GALNTL6: variants seen among roughly 807,000 people sequenced by gnomAD.
The protein encoded by GALNTL6 is polypeptide N-acetylgalactosaminyltransferase-like 6.
In GALNTL6, 46 loss-of-function variants were observed where a neutral mutation model predicts 73.7. The ratio of observed to expected loss-of-function variants is 0.62; its 90% CI spans 0.49 to 0.80. The LOEUF (loss-of-function observed/expected upper bound fraction) is 0.80, where lower values mean the gene tolerates loss of function less well. Among genes scored for constraint, GALNTL6 ranks in the 30% least tolerant of loss-of-function variants. The pLI is 0.00. For missense variants in GALNTL6, 604 were observed against 755.0 expected (o/e 0.80, Z 2.34); for synonymous variants, 259 against 263.7 (o/e 0.98, Z 0.17).
intron 7 of GALNTL6, among the ~76,000 whole-genome samples, chr4:172,853,513 A>G (rs1291858656): frequency 1.3e-5 from 2 of 152,168 alleles, no homozygotes; most frequent in African/African-American, 4.8e-5. Flanking sequence ...TCACCTCTGC[A>G]TTTGGGTGTC....
rs535758715 is a variant in GALNTL6, at chr4:171,845,896, T to A, written c.138+31178T>A. 5.9e-5 allele frequency among the ~76,000 whole-genome samples: 9 copies of A among 152,324 alleles called. No homozygotes were observed. The South Asian group carries it at 1.0e-3, about 18-fold the overall frequency. ...TATGTAATTCATGTCCAATAAATTGTGAACATACTCATCATCACAGCTACT... is the reference window on the plus strand; with the variant it reads ...TATGTAATTCATGTCCAATAAATTGAGAACATACTCATCATCACAGCTACT... On this transcript the variant is annotated intron_variant, in intron 2 of 12. Coordinates refer to ENST00000506823, the MANE Select transcript of GALNTL6 (RefSeq NM_001034845.3).
At chr4:172,618,249 G>T (rs1351942287) in intron 5 of GALNTL6, among the ~76,000 whole-genome samples, 2 of 152,090 alleles carry the variant, frequency 1.3e-5, no homozygotes, top group African/African-American at 4.8e-5. Flanking sequence ...ATATGGAGCT[G>T]AAAGCAATCT....
At chr4:172,230,474 C>G (rs1218312423) in intron 3 of GALNTL6, among the ~76,000 whole-genome samples, 1 of 148,096 alleles carries the variant, frequency 6.8e-6, no homozygotes, top group Non-Finnish European at 1.5e-5. Flanking sequence ...GTAGTCCCAG[C>G]TACTCAGGAG....
chr4:172,533,254 C>T (rs1735228895), intron 5 of GALNTL6, among the ~76,000 whole-genome samples: 1 of 150,812 alleles, frequency 6.6e-6, no homozygotes, highest in Non-Finnish European at 1.5e-5. Flanking sequence ...CTCAGGTGAT[C>T]CACCCACGTC....
intron 2 of GALNTL6, among the ~76,000 whole-genome samples, chr4:171,942,074 C>T (rs1232072225): frequency 6.6e-6 from 1 of 151,850 alleles, no homozygotes; most frequent in Admixed American, 6.6e-5. Flanking sequence ...GCGATTTTAA[C>T]ACATATAAAA....
chr4:172,763,529 AACAG>A (rs1738235381), intron 5 of GALNTL6, among the ~76,000 whole-genome samples: 1 of 152,226 alleles, frequency 6.6e-6, no homozygotes. Flanking sequence ...GCGTTCTTAA[AACAG>A]ACAATTACAA....
At chr4:172,718,918 G>T (rs898777364) in intron 5 of GALNTL6, among the ~76,000 whole-genome samples, 1 of 151,522 alleles carries the variant, frequency 6.6e-6, no homozygotes, top group Non-Finnish European at 1.5e-5. Flanking sequence ...CACAATTAAG[G>T]CAATCACATA....
At chr4:171,928,846 C>A (rs1578980841) in intron 2 of GALNTL6, among the ~76,000 whole-genome samples, 1 of 152,192 alleles carries the variant, frequency 6.6e-6, no homozygotes, top group East Asian at 1.9e-4. Flanking sequence ...CACATCTATA[C>A]CATCTGGGTT....
At chr4:172,993,786 G>T (rs1259056221) in intron 10 of GALNTL6, among the ~76,000 whole-genome samples, 1 of 152,146 alleles carries the variant, frequency 6.6e-6, no homozygotes, top group African/African-American at 2.4e-5. Flanking sequence ...TCCGGGCATG[G>T]TGGCACATGC....
intron 8 of GALNTL6, among the ~76,000 whole-genome samples, chr4:172,898,126 T>A (rs934078440): frequency 6.6e-6 from 1 of 152,142 alleles, no homozygotes; most frequent in Non-Finnish European, 1.5e-5. Context: ...ATTTTGATCT[T>A]AAGCAATTAT....
At chr4:172,706,560 A>G (rs1300985579) in intron 5 of GALNTL6, among the ~76,000 whole-genome samples, 1 of 152,072 alleles carries the variant, frequency 6.6e-6, no homozygotes, top group Non-Finnish European at 1.5e-5. Flanking sequence ...TATTTATTCT[A>G]GTCTTTGCTT....
At chr4:172,513,908 G>T (rs1453266211) in intron 5 of GALNTL6, among the ~76,000 whole-genome samples, 1 of 152,160 alleles carries the variant, frequency 6.6e-6, no homozygotes, top group Non-Finnish European at 1.5e-5. Context: ...CAGTAAAGTT[G>T]TCATGTAGAC....
At chr4:172,739,353 G>A (rs1217029945) in intron 5 of GALNTL6, among the ~76,000 whole-genome samples, 1 of 152,102 alleles carries the variant, frequency 6.6e-6, no homozygotes, top group African/African-American at 2.4e-5. Flanking sequence ...CCTACTTCTT[G>A]TCATAAGGAC....
intron 7 of GALNTL6, among the ~76,000 whole-genome samples, chr4:172,872,045 G>A (rs369845699): frequency 3.3e-5 from 5 of 152,194 alleles, no homozygotes; most frequent in South Asian, 4.2e-4. Flanking sequence ...CACCCTCCTC[G>A]GCCTCTCAAA....
chr4:173,032,775 T>G (rs1162782251), intron 12 of GALNTL6, among the ~76,000 whole-genome samples: 1 of 151,908 alleles, frequency 6.6e-6, no homozygotes, highest in Non-Finnish European at 1.5e-5. Flanking sequence ...GAGTGTGAAG[T>G]GTTTGAATGG....
At chr4:172,184,353 A>G (rs1303568474) in intron 2 of GALNTL6, among the ~76,000 whole-genome samples, 1 of 152,156 alleles carries the variant, frequency 6.6e-6, no homozygotes, top group Non-Finnish European at 1.5e-5. Flanking sequence ...GATAGGGGGA[A>G]ACTGGTGTGA....
intron 7 of GALNTL6, among the ~76,000 whole-genome samples, chr4:172,857,027 T>C (rs1744156175): frequency 6.6e-6 from 1 of 152,202 alleles, no homozygotes; most frequent in African/African-American, 2.4e-5. Context: ...TTGCCACTGT[T>C]TCACAACCTA....
At chr4:172,254,923 T>C (rs576415799) in intron 3 of GALNTL6, among the ~76,000 whole-genome samples, 3 of 151,794 alleles carry the variant, frequency 2.0e-5, no homozygotes, top group African/African-American at 7.2e-5. Context: ...CTTGATCAGC[T>C]TTGGAAGTTA....
chr4:172,272,254 C>T (rs1738683122), intron 3 of GALNTL6, among the ~76,000 whole-genome samples: 1 of 152,122 alleles, frequency 6.6e-6, no homozygotes, highest in South Asian at 2.1e-4. Context: ...TGCACCCGGC[C>T]CCATGGCCAT....
Sources: gnomAD v4.1 joint callset for allele counts (sites outside exome capture counted in the v4.1 genomes callset) on GRCh38, gnomAD v4.1.1 for gene constraint, MANE v1.5 for transcripts, NCBI Gene and HGNC (gene_info 2026-07-23, HGNC 2026-07-21) for gene names.